Variants in KDM4C observed in about 807,000 individuals in gnomAD.
The protein encoded by KDM4C is lysine demethylase 4C, also known as lysine-specific demethylase 4C.
In KDM4C, 81 loss-of-function variants were observed where a neutral mutation model predicts 129.3. The ratio of observed to expected loss-of-function variants is 0.63; its 90% CI spans 0.52 to 0.75. The LOEUF (loss-of-function observed/expected upper bound fraction) is 0.75, where lower values mean the gene tolerates loss of function less well. Ranked by LOEUF, KDM4C falls within the 30% of genes least tolerant of loss-of-function variation. The probability of loss-of-function intolerance (pLI) is 0.00; values close to 1 mark genes in which losing one functional copy is unlikely to be tolerated. For missense variants in KDM4C, 1,457 were observed against 1,304.0 expected (o/e 1.12, Z -1.81); for synonymous variants, 573 against 456.1 (o/e 1.26, Z -3.26).
chr9:6,798,677 C>G (rs2130935342), intron 2 of KDM4C, among the ~76,000 whole-genome samples: 1 of 152,306 alleles, frequency 6.6e-6, no homozygotes, highest in South Asian at 2.1e-4. Flanking sequence ...ATTTCTCAGT[C>G]TTTTCCCCAC....
intron 4 of KDM4C, among the ~76,000 whole-genome samples, chr9:6,837,788 TTTGTC>T (rs1361449791): frequency 4.6e-5 from 7 of 152,214 alleles, no homozygotes; most frequent in Non-Finnish European, 8.8e-5. Context: ...CACTATTTTG[TTTGTC>T]TTATTTACAA....
At position 6,903,522 on chromosome 9, in the gene KDM4C, C is replaced by T. The variant is rs542922800; in HGVS notation, c.921+10290C>T. Among the ~76,000 whole-genome samples the T allele has an allele frequency of 1.4e-4, 22 of 152,172 alleles. No individual in the cohort carries two copies. The South Asian group carries it at 1.7e-3, about 12-fold the overall frequency. Reference sequence around the variant, plus strand: ...ATCAGTCTTGGTAAACATCTTCTTGCGCTTTTACCATTTTCTCACACTCTT... The same window carrying T: ...ATCAGTCTTGGTAAACATCTTCTTGTGCTTTTACCATTTTCTCACACTCTT... On this transcript the variant is annotated intron_variant, in intron 8 of 21. Coordinates refer to ENST00000381309, the MANE Select transcript of KDM4C (RefSeq NM_015061.6).
chr9:7,017,455 C>T (rs1202401609), intron 15 of KDM4C, among the ~76,000 whole-genome samples: 1 of 152,050 alleles, frequency 6.6e-6, no homozygotes, highest in Non-Finnish European at 1.5e-5. Context: ...TTACTACTTT[C>T]CTGCAGATTT....
rs1240060096 is a variant in KDM4C at position 6,867,771 on chromosome 9, G to T, written c.630-12241G>T. Among the ~76,000 whole-genome samples the T allele has an allele frequency of 2.0e-5, 3 of 152,334 alleles. No homozygotes were observed. The East Asian group carries it at 5.8e-4, about 29-fold the overall frequency. On this transcript the variant is annotated intron_variant, in intron 5 of 21. Transcript: ENST00000381309. ...ATACCATGAACATGTGAACTTGACA[G>T]AATGGCTTCTACTTATGAAACTTAC... is the stretch of plus-strand genomic sequence containing the variant.
At chr9:6,865,955 G>T (rs556676430) in intron 5 of KDM4C, among the ~76,000 whole-genome samples, 5 of 151,918 alleles carry the variant, frequency 3.3e-5, no homozygotes, top group Admixed American at 3.3e-4. Context: ...GGGTTTCCCC[G>T]TGTTAGCCAG....
intron 16 of KDM4C, among the ~76,000 whole-genome samples, chr9:7,047,816 G>C (rs1174989665): frequency 6.6e-6 from 1 of 151,896 alleles, no homozygotes; most frequent in Non-Finnish European, 1.5e-5. Context: ...CAGTGTCAGT[G>C]GGGCAGGTAC....
intron 8 of KDM4C, among the ~76,000 whole-genome samples, chr9:6,923,399 T>C (rs555764130): frequency 2.6e-5 from 4 of 152,354 alleles, no homozygotes; most frequent in African/African-American, 9.6e-5. Context: ...ATACTGACTT[T>C]TTTTCTGAGT....
At chr9:6,843,851 A>G (rs1032343019) in intron 4 of KDM4C, among the ~76,000 whole-genome samples, 2 of 152,104 alleles carry the variant, frequency 1.3e-5, no homozygotes, top group African/African-American at 2.4e-5. Context: ...TATTTGATGG[A>G]CATGCCATCT....
chr9:7,041,993 C>T (rs1828680905), intron 15 of KDM4C, among the ~76,000 whole-genome samples: 1 of 152,008 alleles, frequency 6.6e-6, no homozygotes, highest in Non-Finnish European at 1.5e-5. Flanking sequence ...CATCACAGAT[C>T]CATATTTTTT....
chr9:7,102,043 A>G (rs1377882646), intron 17 of KDM4C, among the ~76,000 whole-genome samples: 1 of 152,220 alleles, frequency 6.6e-6, no homozygotes, highest in East Asian at 1.9e-4. Flanking sequence ...ACAGAATATT[A>G]AATAATGCTC....
intron 4 of KDM4C, among the ~76,000 whole-genome samples, chr9:6,844,640 CTAGAGT>C (rs1413885391): frequency 2.0e-5 from 3 of 152,158 alleles, no homozygotes; most frequent in Non-Finnish European, 4.4e-5. Flanking sequence ...GTCTTAAGAG[CTAGAGT>C]TAAAGAGGAC....
chr9:6,774,697 GATATTTAT>G (rs1409277232), intron 1 of KDM4C, among the ~76,000 whole-genome samples: 2 of 152,094 alleles, frequency 1.3e-5, no homozygotes, highest in African/African-American at 4.8e-5. Flanking sequence ...TTTTCTTGCA[GATATTTAT>G]AGAAATATAT....
At chr9:6,770,062 C>T (rs1821432838) in intron 1 of KDM4C, among the ~76,000 whole-genome samples, 2 of 152,156 alleles carry the variant, frequency 1.3e-5, no homozygotes, top group South Asian at 2.1e-4. Context: ...GCCTGTAACC[C>T]CAGGTACTTG....
At chr9:6,858,200 A>G (rs545231706) in intron 5 of KDM4C, among the ~76,000 whole-genome samples, 2 of 152,240 alleles carry the variant, frequency 1.3e-5, no homozygotes, top group Admixed American at 1.3e-4. Context: ...ACCCATTGTG[A>G]GAATCCCTTT....
chr9:6,981,520 C>T (rs1816760264), intron 9 of KDM4C, among the ~76,000 whole-genome samples: 1 of 152,172 alleles, frequency 6.6e-6, no homozygotes, highest in South Asian at 2.1e-4. Flanking sequence ...TGTCCAACAT[C>T]TGAGCTACTG....
At chr9:6,902,169 A>C (rs776365053) in intron 8 of KDM4C, among the ~76,000 whole-genome samples, 7 of 152,134 alleles carry the variant, frequency 4.6e-5, no homozygotes, top group Non-Finnish European at 1.0e-4. Flanking sequence ...TAAATTGGAG[A>C]TGTGTAATGT....
chr9:7,118,749 T>C (rs1162526700), intron 18 of KDM4C, among the ~76,000 whole-genome samples: 1 of 152,194 alleles, frequency 6.6e-6, no homozygotes, highest in African/African-American at 2.4e-5. Flanking sequence ...GGTTTCTACA[T>C]ACATTATTGC....
chr9:6,906,496 C>CT (rs1818344564), intron 8 of KDM4C, among the ~76,000 whole-genome samples: 2 of 152,206 alleles, frequency 1.3e-5, no homozygotes, highest in African/African-American at 2.4e-5. Context: ...GGCTGGTACA[C>CT]TGACCAGAGC....
At chr9:6,805,047 C>T (rs1005785309) in intron 2 of KDM4C, among the ~76,000 whole-genome samples, 1 of 151,934 alleles carries the variant, frequency 6.6e-6, no homozygotes, top group Non-Finnish European at 1.5e-5. Context: ...ACTACAGGTG[C>T]GTGCCACCAC....
Sources: gnomAD v4.1 joint callset for allele counts (sites outside exome capture counted in the v4.1 genomes callset) on GRCh38, gnomAD v4.1.1 for gene constraint, MANE v1.5 for transcripts, NCBI Gene and HGNC (gene_info 2026-07-23, HGNC 2026-07-21) for gene names.